Variants in GPR157 observed in about 807,000 individuals in gnomAD.
GPR157 encodes G protein-coupled receptor 157.
In GPR157, 16 loss-of-function variants were observed where a neutral mutation model predicts 23.5. That is an observed-to-expected ratio of 0.68 (90% CI 0.46 to 1.04). GPR157 has a LOEUF of 1.04. Ranked by LOEUF, GPR157 falls within the 50% of genes least tolerant of loss-of-function variation. The pLI is 0.00. For synonymous variants in GPR157, 200 were observed against 221.5 expected, an observed-to-expected ratio of 0.90 and a Z score of 0.86; for missense variants, 440 against 460.7, an observed-to-expected ratio of 0.96 and a Z score of 0.41.
At chr1:9,123,701 ATTT>A (rs1177231229) in intron 1 of GPR157, among the ~76,000 whole-genome samples, 1 of 111,940 alleles carries the variant, frequency 8.9e-6, no homozygotes, top group South Asian at 2.4e-4. Flanking sequence ...TATATATTTA[ATTT>A]TAAATATGTA....
intron 1 of GPR157, among the ~76,000 whole-genome samples, chr1:9,122,867 T>G (rs2124526540): frequency 6.6e-6 from 1 of 152,064 alleles, no homozygotes; most frequent in East Asian, 1.9e-4. Flanking sequence ...GACAAAAATC[T>G]CAATAAAGGC....
intron 1 of GPR157, among the ~76,000 whole-genome samples, chr1:9,125,229 T>A (rs1272619348): frequency 6.6e-6 from 1 of 152,130 alleles, no homozygotes; most frequent in African/African-American, 2.4e-5. Flanking sequence ...CTTTTTCTTT[T>A]TTTTTGAGAC....
chr1:9,104,545 AC>A lies in GPR157; in HGVS notation c.881del (p.Cys294PhefsTer170). On this transcript the variant is annotated frameshift_variant, in exon 4 of 4. Transcript: ENST00000377411. LOFTEE classifies it low-confidence loss of function (END_TRUNC). ...RAVRTRLFSLCCCCCSSQPPT... is the reference protein window; with the variant it reads ...RAVRTRLFSLXCCCCSSQPPT... Reference sequence around the variant, plus strand: ...GAGGCTGAGAAGAGCAGCAGCAGCAACAGAGAGAGAAGAGCCGAGTTCGGAC... The same window carrying A: ...GAGGCTGAGAAGAGCAGCAGCAGCAAAGAGAGAGAAGAGCCGAGTTCGGAC... 1 of 1,613,920 alleles carries A rather than the reference AC, an allele frequency of 6.2e-7. No homozygotes were observed. Among genetic ancestry groups the A allele is most frequent in the Non-Finnish European group, 8.5e-7 (1 of 1,179,950 alleles).
At chr1:9,111,159 C>A in intron 2 of GPR157, 117 bp downstream of exon 2, 1 of 874,708 alleles carries the variant, frequency 1.1e-6, no homozygotes, top group Non-Finnish European at 1.9e-6. Context: ...TGGCCCATCA[C>A]TGGTTCTGTC....
rs373183983 is a variant in GPR157, at chr1:9,104,561, C to G, written c.866G>C (p.Arg289Pro). The G allele has an allele frequency of 1.9e-6, 3 of 1,613,706 alleles. No homozygotes were observed. In the Admixed American group the frequency reaches 5.0e-5, roughly 27 times the overall value. The change falls in exon 4 of 4, where the codon CGG becomes CCG. Residue 289 changes from arginine (R) to proline (P), a missense_variant. Arg to Pro is a moderately radical substitution (Grantham distance 103, BLOSUM62 -2). Coordinates refer to ENST00000377411, the MANE Select transcript of GPR157 (RefSeq NM_024980.5). The stretch of plus-strand genomic sequence containing the variant: ...GCAGCAGCAACAGAGAGAGAAGAGC[C>G]GAGTTCGGACGGCGCGGGTGCAGAG... ...FVLCTRAVRT[R>P]LFSLCCCCCS...
At chr1:9,123,125 C>A (rs1366155148) in intron 1 of GPR157, among the ~76,000 whole-genome samples, 2 of 143,506 alleles carry the variant, frequency 1.4e-5, no homozygotes, top group Non-Finnish European at 3.0e-5. Context: ...ACCATTGTAC[C>A]CCAGCCTGGG....
At position 9,104,642 on chromosome 1, in the gene GPR157, G is replaced by A. The variant is rs1336295422; in HGVS notation, c.793-8C>T. On this transcript the variant is annotated splice_polypyrimidine_tract_variant and splice_region_variant and intron_variant, in intron 3 of 3. Transcript: ENST00000377411. ...AAACGTGTTCCCGATACCCTGTCGG[G>A]AGAAAAGGAGCTGTGAGCATGGGGC... 2 of 1,578,646 alleles carry A rather than the reference G, an allele frequency of 1.3e-6. No homozygotes were observed. The highest frequency in any genetic ancestry group is 8.6e-7 in the Non-Finnish European group (1 of 1,158,802).
chr1:9,126,989 G>A (rs908490916), intron 1 of GPR157, among the ~76,000 whole-genome samples: 7 of 151,358 alleles, frequency 4.6e-5, no homozygotes, highest in African/African-American at 1.7e-4. Context: ...AGGCTCAAGC[G>A]ATCCTCCCAC....
At chr1:9,116,240 TATATAATTA>T (rs1638651016) in intron 1 of GPR157, among the ~76,000 whole-genome samples, 1 of 15,532 alleles carries the variant, frequency 6.4e-5, no homozygotes, top group Non-Finnish European at 8.4e-5. Context: ...TATAATTATA[TATATAATTA>T]TATATATATT....
rs1638609945 is a variant in GPR157, at chr1:9,115,193, G to A, written c.384-3704C>T. Among the ~76,000 whole-genome samples, 4 of 152,102 alleles carry A rather than the reference G, an allele frequency of 2.6e-5. No individual in the cohort carries two copies. In the South Asian group the frequency reaches 8.3e-4, roughly 32 times the overall value. Reference sequence around the variant, plus strand: ...GGAACATTTCACAACTGGCTCTCCAGAAAAACATAGACGTGTGCATGTGTG... The same window carrying A: ...GGAACATTTCACAACTGGCTCTCCAAAAAAACATAGACGTGTGCATGTGTG... On this transcript the variant is annotated intron_variant, in intron 1 of 3. Coordinates refer to ENST00000377411, the MANE Select transcript of GPR157 (RefSeq NM_024980.5).
At position 9,118,176 on chromosome 1, in the gene GPR157, G is replaced by A. The variant is rs1164135067; in HGVS notation, c.384-6687C>T. 6.6e-6 allele frequency among the ~76,000 whole-genome samples: 1 copy of A among 152,334 alleles called. No individual in the cohort carries two copies. Among genetic ancestry groups the A allele is most frequent in the South Asian group, 2.1e-4 (1 of 4,828 alleles). On this transcript the variant is annotated intron_variant, in intron 1 of 3. Coordinates refer to ENST00000377411, the MANE Select transcript of GPR157 (RefSeq NM_024980.5). The surrounding 1 kb of genome is among the most constrained non-coding windows in gnomAD (Gnocchi z 4.6). ...CCTCAAATGGTTAAAAAGTCTTGAAGAGGACCTGGTGGTGGAGAAGTGGTT... is the reference window on the plus strand; with the variant it reads ...CCTCAAATGGTTAAAAAGTCTTGAAAAGGACCTGGTGGTGGAGAAGTGGTT...
At chr1:9,113,084 CAT>C in intron 1 of GPR157, among the ~76,000 whole-genome samples, 1 of 152,288 alleles carries the variant, frequency 6.6e-6, no homozygotes, top group Non-Finnish European at 1.5e-5. Context: ...AGAACAAATA[CAT>C]GTGTGTACAG....
At position 9,102,431 on chromosome 1, in the gene GPR157, A is replaced by T. The variant is rs12128468; in HGVS notation, c.*1988T>A. 7.4e-6 allele frequency: 1 copy of T among 135,092 alleles called. No homozygotes were observed. Among genetic ancestry groups the T allele is most frequent in the Admixed American group, 8.0e-5 (1 of 12,490 alleles). 8.4% of individuals were successfully genotyped at this position (135,092 alleles called of 1,614,324 possible). A position where few individuals can be genotyped will look rare whatever the true frequency, so the allele number is the denominator to read the frequency against. On this transcript the variant is annotated 3_prime_UTR_variant, in exon 4 of 4. Transcript: ENST00000377411. The stretch of plus-strand genomic sequence containing the variant: ...ATCTCAAAAAAAAAAAAAAAAAAAA[A>T]GAAAGCGACAAAAAGAAATCCATTT...
intron 1 of GPR157, among the ~76,000 whole-genome samples, chr1:9,121,723 G>C (rs990156103): frequency 2.6e-5 from 4 of 152,134 alleles, no homozygotes; most frequent in Non-Finnish European, 5.9e-5. Context: ...GCTACGTTGG[G>C]ACTTCCCACT....
rs1019941711 is a variant in GPR157, at chr1:9,104,693, G to A, written c.793-59C>T. 166 of 1,297,552 alleles carry A rather than the reference G, an allele frequency of 1.3e-4. 1 individual carries two copies. The Admixed American group carries it at 3.2e-3, about 25-fold the overall frequency. 80.4% of individuals were successfully genotyped at this position (1,297,552 alleles called of 1,614,324 possible). A position where few individuals can be genotyped will look rare whatever the true frequency, so the allele number is the denominator to read the frequency against. Reference sequence around the variant, plus strand: ...TGGAGTTGGTCTCAGAAACACACGCGCTGTTGCAATTAAGAGAAACGGCTA... The same window carrying A: ...TGGAGTTGGTCTCAGAAACACACGCACTGTTGCAATTAAGAGAAACGGCTA... On this transcript the variant is annotated intron_variant, in intron 3 of 3. Coordinates refer to ENST00000377411, the MANE Select transcript of GPR157 (RefSeq NM_024980.5).
chr1:9,123,243 A>AATTTAAATATATATTTAAATATATAT (rs1557700519), intron 1 of GPR157, among the ~76,000 whole-genome samples: 12 of 21,066 alleles, frequency 5.7e-4, no homozygotes, highest in Non-Finnish European at 1.0e-3. Flanking sequence ...AATATATATT[A>AATTTAAATATATATTTAAATATATAT]ATTTAAATAT....
intron 1 of GPR157, 64 bp from the exon 2 acceptor site, chr1:9,111,553 C>T (rs984873137): frequency 5.1e-5 from 70 of 1,379,262 alleles, no homozygotes; most frequent in East Asian, 4.6e-5. Context: ...TGTCAGCCTT[C>T]GCAAAAATGA....
At chr1:9,126,912 TTC>T (rs1334451938) in intron 1 of GPR157, among the ~76,000 whole-genome samples, 1 of 152,194 alleles carries the variant, frequency 6.6e-6, no homozygotes, top group Non-Finnish European at 1.5e-5. Context: ...AAAAATTTTT[TTC>T]TTTTTTTTTT....
intron 2 of GPR157, among the ~76,000 whole-genome samples, chr1:9,106,041 C>T (rs565742319): frequency 2.6e-5 from 4 of 152,258 alleles, no homozygotes; most frequent in South Asian, 2.1e-4. Context: ...AGCCCACATC[C>T]GATCCCCAGC....
Sources: gnomAD v4.1 joint callset for allele counts (sites outside exome capture counted in the v4.1 genomes callset) on GRCh38, gnomAD v4.1.1 for gene constraint, Gnocchi (gnomAD v3.1) non-coding constraint, MANE v1.5 for transcripts, NCBI Gene and HGNC (gene_info 2026-07-23, HGNC 2026-07-21) for gene names.